Variants in INPP4B observed in about 807,000 individuals in gnomAD.
INPP4B encodes the protein inositol polyphosphate 4-phosphatase type II.
INPP4B carries 55 observed loss-of-function variants against 122.5 expected under a neutral mutation model. The observed-to-expected ratio is 0.45, with a 90% CI of 0.36 to 0.56. INPP4B has a LOEUF of 0.56. Among genes scored for constraint, INPP4B ranks in the 20% least tolerant of loss-of-function variants. INPP4B has a pLI of 0.00. For synonymous variants in INPP4B, 403 were observed against 388.7 expected, an observed-to-expected ratio of 1.04 and a Z score of -0.43; for missense variants, 1,000 against 1,097.7, an observed-to-expected ratio of 0.91 and a Z score of 1.26.
chr4:142,235,325 C>T (rs1198567645), intron 12 of INPP4B, among the ~76,000 whole-genome samples: 2 of 150,690 alleles, frequency 1.3e-5, no homozygotes, highest in African/African-American at 2.4e-5. Flanking sequence ...AAATATTAGG[C>T]TAAAATTAGT....
intron 7 of INPP4B, among the ~76,000 whole-genome samples, chr4:142,342,690 T>C (rs765764849): frequency 3.3e-5 from 5 of 152,176 alleles, no homozygotes; most frequent in Non-Finnish European, 7.4e-5. Flanking sequence ...ATTTTCATAA[T>C]ATGTAACAAT....
Position 142,028,585 on chromosome 4 carries a change from G to C in INPP4B, c.*197C>G, listed in dbSNP as rs1314134102. The stretch of plus-strand genomic sequence containing the variant: ...ACTAGAAATGACAGTACTGAATCAT[G>C]TAAGATTTTTTAAAATGGATTTCTT... On this transcript the variant is annotated 3_prime_UTR_variant, in exon 26 of 26. Coordinates refer to ENST00000262992, the MANE Select transcript of INPP4B (RefSeq NM_001101669.3). 1 of 573,748 alleles carries C rather than the reference G, an allele frequency of 1.7e-6. No homozygotes were observed. Among genetic ancestry groups the C allele is most frequent in the Non-Finnish European group, 3.0e-6 (1 of 331,228 alleles). 35.5% of individuals were successfully genotyped at this position (573,748 alleles called of 1,614,324 possible). A position where few individuals can be genotyped will look rare whatever the true frequency, so the allele number is the denominator to read the frequency against.
chr4:142,528,502 G>T (rs1391250249), intron 2 of INPP4B, among the ~76,000 whole-genome samples: 1 of 152,118 alleles, frequency 6.6e-6, no homozygotes, highest in Non-Finnish European at 1.5e-5. Flanking sequence ...AGGCAAGAAT[G>T]AGGAAGAGCT....
At chr4:142,842,778 A>G (rs1344369656) in intron 1 of INPP4B, among the ~76,000 whole-genome samples, 1 of 132,978 alleles carries the variant, frequency 7.5e-6, no homozygotes, top group African/African-American at 2.8e-5. Context: ...AACATAATAT[A>G]CTGATATATA....
chr4:142,824,901 C>A lies in INPP4B; in HGVS notation c.-254+21308G>T, dbSNP rs113287898. ...ATGGAAATATTTGTCTTTGGGTTTG[C>A]AAATACTTTCATTGACAAAGTGTTG... On this transcript the variant is annotated intron_variant, in intron 1 of 25. Coordinates refer to ENST00000262992, the MANE Select transcript of INPP4B (RefSeq NM_001101669.3). 8.3e-3 allele frequency among the ~76,000 whole-genome samples: 1,254 copies of A among 151,794 alleles called. 11 individuals carry two copies. Among genetic ancestry groups the A allele is most frequent in the African/African-American group, 0.024 (984 of 41,418 alleles).
chr4:142,636,122 T>A (rs1259485828), intron 2 of INPP4B, among the ~76,000 whole-genome samples: 1 of 152,006 alleles, frequency 6.6e-6, no homozygotes, highest in Non-Finnish European at 1.5e-5. Context: ...GGGCTTCTCC[T>A]TTCACTCAGC....
chr4:142,237,775 G>A (rs1243222170), intron 12 of INPP4B, 89 bp downstream of exon 12: 8 of 732,738 alleles, frequency 1.1e-5, no homozygotes, highest in Non-Finnish European at 1.7e-5. Flanking sequence ...ATTTCAAAAT[G>A]TTGCACAGAT....
At chr4:142,254,141 G>A (rs1734243255) in intron 11 of INPP4B, among the ~76,000 whole-genome samples, 1 of 152,130 alleles carries the variant, frequency 6.6e-6, no homozygotes, top group South Asian at 2.1e-4. Flanking sequence ...GCAGCTGAGG[G>A]TCCTGTCTGT....
chr4:142,407,376 CT>C (rs1803644950), intron 5 of INPP4B, among the ~76,000 whole-genome samples: 1 of 152,092 alleles, frequency 6.6e-6, no homozygotes, highest in Admixed American at 6.5e-5. Flanking sequence ...AAATAAGTCA[CT>C]TCTTTTCTGA....
chr4:142,615,040 G>A (rs1743401174), intron 2 of INPP4B, among the ~76,000 whole-genome samples: 1 of 152,156 alleles, frequency 6.6e-6, no homozygotes. Flanking sequence ...TCACTACTGA[G>A]TATCCACTCA....
At chr4:142,782,137 C>T (rs1280047608) in intron 1 of INPP4B, among the ~76,000 whole-genome samples, 1 of 151,984 alleles carries the variant, frequency 6.6e-6, no homozygotes, top group Non-Finnish European at 1.5e-5. Flanking sequence ...CCCCCCTTCC[C>T]ACACCCCACA....
intron 11 of INPP4B, among the ~76,000 whole-genome samples, chr4:142,258,922 T>C (rs1446659232): frequency 2.6e-5 from 4 of 152,058 alleles, no homozygotes; most frequent in Non-Finnish European, 5.9e-5. Context: ...TATTGTGGCA[T>C]TATTCACAAT....
chr4:142,524,497 T>A (rs1363436654), intron 2 of INPP4B, among the ~76,000 whole-genome samples: 2 of 152,096 alleles, frequency 1.3e-5, no homozygotes, highest in African/African-American at 4.8e-5. Context: ...CACTTTTTGA[T>A]GGGGTTGTTT....
At chr4:142,067,853 G>C (rs1764506439) in intron 25 of INPP4B, among the ~76,000 whole-genome samples, 10 of 152,194 alleles carry the variant, frequency 6.6e-5, no homozygotes, top group Admixed American at 5.9e-4. Context: ...ATCTATGTCT[G>C]ATTGGTGTAC....
At chr4:142,634,634 T>C (rs1748697189) in intron 2 of INPP4B, among the ~76,000 whole-genome samples, 2 of 152,144 alleles carry the variant, frequency 1.3e-5, no homozygotes, top group Admixed American at 1.3e-4. Flanking sequence ...TTACCATTTA[T>C]TCCTGATTAA....
intron 2 of INPP4B, among the ~76,000 whole-genome samples, chr4:142,530,728 A>G (rs569139703): frequency 6.6e-6 from 1 of 152,146 alleles, no homozygotes; most frequent in African/African-American, 2.4e-5. Context: ...ATGCCTGAAT[A>G]AAGTGAAGGA....
At chr4:142,772,713 T>C (rs1773272809) in intron 1 of INPP4B, among the ~76,000 whole-genome samples, 1 of 152,054 alleles carries the variant, frequency 6.6e-6, no homozygotes, top group Non-Finnish European at 1.5e-5. Flanking sequence ...GTGGGTAATG[T>C]ATGAAGGAAA....
chr4:142,737,162 T>G (rs2150903278), intron 1 of INPP4B, among the ~76,000 whole-genome samples: 1 of 152,308 alleles, frequency 6.6e-6, no homozygotes, highest in East Asian at 1.9e-4. Flanking sequence ...AAGTCAATCC[T>G]AAGCCAAAAG....
At chr4:142,680,997 C>A (rs889567748) in intron 2 of INPP4B, among the ~76,000 whole-genome samples, 9 of 151,824 alleles carry the variant, frequency 5.9e-5, no homozygotes, top group African/African-American at 2.2e-4. Flanking sequence ...TCAATAAATT[C>A]TCTTGAGGAA....
Sources: allele counts gnomAD v4.1 joint callset (sites outside exome capture counted in the v4.1 genomes callset), GRCh38; gene constraint gnomAD v4.1.1; transcripts MANE v1.5; gene names NCBI Gene and HGNC (gene_info 2026-07-23, HGNC 2026-07-21).